The following KLHL1 variants were observed in gnomAD, a reference collection of about 807,000 sequenced individuals.
KLHL1 encodes kelch-like protein 1.
In KLHL1, 47 loss-of-function variants were observed where a neutral mutation model predicts 77.7. The ratio of observed to expected loss-of-function variants is 0.60; its 90% confidence interval spans 0.48 to 0.77. The LOEUF is 0.77. Ranked by LOEUF, KLHL1 falls within the 30% of genes least tolerant of loss-of-function variation. KLHL1 has a pLI of 0.00. For synonymous variants in KLHL1, 360 were observed against 325.2 expected (o/e 1.11, Z -1.15); for missense variants, 925 against 910.8 (o/e 1.02, Z -0.20).
At chr13:69,975,465 A>T (rs1884516840) in intron 2 of KLHL1, among the ~76,000 whole-genome samples, 155 bp downstream of exon 2, 1 of 149,912 alleles carries the variant, frequency 6.7e-6, no homozygotes, top group Non-Finnish European at 1.5e-5. Context: ...AGAAATAAAA[A>T]CAAGTATAAA....
rs2194362 is a variant in KLHL1, at chr13:69,860,296, A to G, written c.1228-21134T>C. Among the ~76,000 whole-genome samples, 14 of 151,788 alleles carry G rather than the reference A, an allele frequency of 9.2e-5. 1 individual carries two copies. Among genetic ancestry groups the G allele is most frequent in the Admixed American group, 9.2e-4 (14 of 15,216 alleles). ...ATTTCAGAACAAACAAGTAGAAAAC[A>G]AACAAGTATGAGCATGACAAGTATT... On this transcript the variant is annotated intron_variant, in intron 5 of 10. Coordinates refer to ENST00000377844, the MANE Select transcript of KLHL1 (RefSeq NM_020866.3).
At chr13:69,876,663 C>T (rs1457298537) in intron 5 of KLHL1, among the ~76,000 whole-genome samples, 2 of 151,992 alleles carry the variant, frequency 1.3e-5, no homozygotes, top group African/African-American at 2.4e-5. Flanking sequence ...CACACACACA[C>T]ATTGCTATAT....
At chr13:69,936,422 C>A (rs1215968567) in intron 4 of KLHL1, among the ~76,000 whole-genome samples, 3 of 57,322 alleles carry the variant, frequency 5.2e-5, no homozygotes, top group Non-Finnish European at 1.6e-4. Context: ...AACCTCGTCT[C>A]TACTAAAAAT....
Position 69,806,062 on chromosome 13 carries a change from C to A in KLHL1, c.1415-9100G>T, listed in dbSNP as rs745315133. 4.6e-5 allele frequency among the ~76,000 whole-genome samples: 7 copies of A among 152,114 alleles called. 1 individual carries two copies. The highest frequency in any genetic ancestry group is 1.3e-4 in the Admixed American group (2 of 15,266). ...GAATCTGAAAGAAAGCCAGAAATAA[C>A]CCTAATACATATGAGTATTTTTAAT... On this transcript the variant is annotated intron_variant, in intron 6 of 10. Coordinates refer to ENST00000377844, the MANE Select transcript of KLHL1 (RefSeq NM_020866.3).
chr13:69,815,301 C>T (rs967332288), intron 6 of KLHL1, among the ~76,000 whole-genome samples: 3 of 152,188 alleles, frequency 2.0e-5, no homozygotes, highest in East Asian at 1.9e-4. Flanking sequence ...ATGGAATCAA[C>T]CCAGTTGCCG....
intron 1 of KLHL1, among the ~76,000 whole-genome samples, chr13:70,039,831 G>T (rs1886331119): frequency 6.6e-6 from 1 of 151,466 alleles, no homozygotes; most frequent in Non-Finnish European, 1.5e-5. Context: ...AGTACAGATG[G>T]GTTTTCACCA....
intron 4 of KLHL1, among the ~76,000 whole-genome samples, chr13:69,905,597 G>A (rs1882020788): frequency 6.6e-6 from 1 of 152,084 alleles, no homozygotes; most frequent in Admixed American, 6.5e-5. Flanking sequence ...CCTGCCAACT[G>A]CATAAGATTT....
At chr13:69,768,605 A>G (rs1210402307) in intron 7 of KLHL1, among the ~76,000 whole-genome samples, 2 of 152,162 alleles carry the variant, frequency 1.3e-5, no homozygotes, top group African/African-American at 4.8e-5. Flanking sequence ...CTCTATGAAA[A>G]AATTATACTG....
intron 7 of KLHL1, among the ~76,000 whole-genome samples, chr13:69,767,666 T>G (rs1025141608): frequency 2.0e-5 from 3 of 152,212 alleles, no homozygotes; most frequent in African/African-American, 7.2e-5. Flanking sequence ...ATCAATAGAT[T>G]ATATTTCTAG....
chr13:69,857,674 T>C (rs1879975180), intron 5 of KLHL1, among the ~76,000 whole-genome samples: 1 of 152,030 alleles, frequency 6.6e-6, no homozygotes, highest in Admixed American at 6.6e-5. Context: ...GAATGTTTGT[T>C]CTCTGAAGTA....
chr13:69,814,959 C>T (rs543621976), intron 6 of KLHL1, among the ~76,000 whole-genome samples: 2 of 151,944 alleles, frequency 1.3e-5, no homozygotes, highest in African/African-American at 2.4e-5. Flanking sequence ...TGCAGTGAGC[C>T]GAGATCGCAC....
chr13:69,811,640 A>AG (rs79623487), intron 6 of KLHL1, among the ~76,000 whole-genome samples: 5,474 of 152,208 alleles, frequency 0.036, 124 homozygotes, highest in Middle Eastern at 0.061. Flanking sequence ...CAGTTAGGCA[A>AG]GTTACAGAAA....
intron 5 of KLHL1, among the ~76,000 whole-genome samples, chr13:69,840,046 C>T (rs747641952): frequency 2.6e-5 from 4 of 151,778 alleles, no homozygotes; most frequent in Non-Finnish European, 4.4e-5. Context: ...TTTTCTTGTA[C>T]ATTGATAAAA....
chr13:69,977,015 C>T (rs562500452), intron 1 of KLHL1, among the ~76,000 whole-genome samples: 8 of 152,170 alleles, frequency 5.3e-5, no homozygotes, highest in Admixed American at 2.6e-4. Flanking sequence ...AGACTGAAAC[C>T]TAGAGTTGTA....
chr13:69,725,630 T>C (rs1232187636), intron 8 of KLHL1, among the ~76,000 whole-genome samples: 1 of 151,566 alleles, frequency 6.6e-6, no homozygotes, highest in African/African-American at 2.4e-5. Flanking sequence ...CACAACCTCA[T>C]TTACCAGCTA....
At chr13:70,013,830 A>T (rs1022223746) in intron 1 of KLHL1, among the ~76,000 whole-genome samples, 1 of 152,144 alleles carries the variant, frequency 6.6e-6, no homozygotes, top group East Asian at 1.9e-4. Context: ...ACAAACTATG[A>T]GCTTTTACAT....
At chr13:69,923,296 G>A (rs539360311) in intron 4 of KLHL1, among the ~76,000 whole-genome samples, 59 of 152,284 alleles carry the variant, frequency 3.9e-4, no homozygotes, top group Admixed American at 5.9e-4. Context: ...TGGAGTCACT[G>A]GCCCACTTTG....
At chr13:69,919,110 G>A (rs1882543038) in intron 4 of KLHL1, among the ~76,000 whole-genome samples, 1 of 152,132 alleles carries the variant, frequency 6.6e-6, no homozygotes. Context: ...TCGGCATTTT[G>A]CCTGAGGAGC....
chr13:70,091,319 T>C (rs1396143600), intron 1 of KLHL1, among the ~76,000 whole-genome samples: 2 of 152,084 alleles, frequency 1.3e-5, no homozygotes, highest in Non-Finnish European at 2.9e-5. Flanking sequence ...CTCTTTTTTC[T>C]CTTTCAACTT....
Sources: allele counts gnomAD v4.1 joint callset (sites outside exome capture counted in the v4.1 genomes callset), GRCh38; gene constraint gnomAD v4.1.1; transcripts MANE v1.5; gene names NCBI Gene and HGNC (gene_info 2026-07-23, HGNC 2026-07-21).